WDR70: variants seen among roughly 807,000 people sequenced by gnomAD.
WDR70 encodes WD repeat-containing protein 70.
In WDR70, 53 loss-of-function variants were observed where a neutral mutation model predicts 88.6. The observed-to-expected ratio is 0.60, with a 90% CI of 0.48 to 0.75. The LOEUF (loss-of-function observed/expected upper bound fraction) is 0.75, where lower values mean the gene tolerates loss of function less well. Ranked by LOEUF, WDR70 falls within the 30% of genes least tolerant of loss-of-function variation. WDR70 has a pLI of 0.00. For missense variants in WDR70, 610 were observed against 823.2 expected (o/e 0.74, Z 3.17); for synonymous variants, 280 against 270.0 (o/e 1.04, Z -0.36).
rs544268758 is a variant in WDR70 at position 37,524,124 on chromosome 5, A to G, written c.917+7534A>G. On this transcript the variant is annotated intron_variant, in intron 9 of 17. Coordinates refer to ENST00000265107, the MANE Select transcript of WDR70 (RefSeq NM_018034.4). Reference sequence around the variant, plus strand: ...GCCAACATTCAAATTCAGGAACTACAGAGAACACCACAAAGATACTCCTCG... The same window carrying G: ...GCCAACATTCAAATTCAGGAACTACGGAGAACACCACAAAGATACTCCTCG... Among the ~76,000 whole-genome samples, 12 of 152,340 alleles carry G rather than the reference A, an allele frequency of 7.9e-5. No individual in the cohort carries two copies. In the South Asian group the frequency reaches 2.1e-3, roughly 26 times the overall value.
rs960933810 is a variant in WDR70 at position 37,634,505 on chromosome 5, C to A, written c.1092+29267C>A. 2.0e-5 allele frequency among the ~76,000 whole-genome samples: 3 copies of A among 152,096 alleles called. No individual in the cohort carries two copies. In the East Asian group the frequency reaches 5.8e-4, roughly 29 times the overall value. ...ACCTCTTTTGGTGGCATTGGAGTGG[C>A]GTGATATGGAGAGGGAAGTCTATGA... On this transcript the variant is annotated intron_variant, in intron 10 of 17. Coordinates refer to ENST00000265107, the MANE Select transcript of WDR70 (RefSeq NM_018034.4).
intron 8 of WDR70, among the ~76,000 whole-genome samples, chr5:37,512,885 G>A (rs1740763365): frequency 1.3e-5 from 2 of 152,006 alleles, no homozygotes; most frequent in Non-Finnish European, 2.9e-5. Context: ...GCACCCAGCC[G>A]AGATTCTTAA....
rs572355374 is a variant in WDR70, at chr5:37,721,463, T to G, written c.1517+248T>G. 7 of 531,526 alleles carry G rather than the reference T, an allele frequency of 1.3e-5. No individual in the cohort carries two copies. In the East Asian group the frequency reaches 2.2e-4, roughly 17 times the overall value. The allele number at this position is 531,526 out of a possible 1,614,324, so 32.9% of individuals were successfully genotyped here. A position where few individuals can be genotyped will look rare whatever the true frequency, so the allele number is the denominator to read the frequency against. ...AATTTGCAGTTGTTTAGCTGAAATG[T>G]TGAGTGCAAGGGGGAAAAACGTTCT... On this transcript the variant is annotated intron_variant, in intron 14 of 17. Coordinates refer to ENST00000265107, the MANE Select transcript of WDR70 (RefSeq NM_018034.4).
chr5:37,485,858 ATTTTTTTTTTTTT>A (rs57109943), intron 8 of WDR70, among the ~76,000 whole-genome samples: 51,534 of 108,772 alleles, frequency 0.47, 12,125 homozygotes, highest in Non-Finnish European at 0.56. Flanking sequence ...TGCCTGGCTA[ATTTTTTTTTTTTT>A]TTTTTTTTTT....
intron 5 of WDR70, among the ~76,000 whole-genome samples, chr5:37,414,104 A>C (rs1241428385): frequency 6.9e-6 from 1 of 143,928 alleles, no homozygotes; most frequent in Non-Finnish European, 1.5e-5. Flanking sequence ...TTGATTGCGC[A>C]TTGCACTCCA....
chr5:37,394,072 C>G (rs1433868661), intron 4 of WDR70, among the ~76,000 whole-genome samples: 1 of 151,848 alleles, frequency 6.6e-6, no homozygotes, highest in Non-Finnish European at 1.5e-5. Context: ...TTTGGGAGGC[C>G]GAACTGGGTG....
At chr5:37,686,611 G>T (rs991458791) in intron 10 of WDR70, among the ~76,000 whole-genome samples, 4 of 152,070 alleles carry the variant, frequency 2.6e-5, no homozygotes, top group African/African-American at 9.7e-5. Flanking sequence ...GGTGGCTTGT[G>T]CCTGTAGTCC....
chr5:37,637,863 C>T (rs1745014126), intron 10 of WDR70, among the ~76,000 whole-genome samples: 3 of 152,182 alleles, frequency 2.0e-5, no homozygotes, highest in Non-Finnish European at 2.9e-5. Flanking sequence ...ATTCCATGTA[C>T]TCTGGGCTTT....
At chr5:37,596,790 A>G (rs1743712423) in intron 9 of WDR70, among the ~76,000 whole-genome samples, 1 of 152,180 alleles carries the variant, frequency 6.6e-6, no homozygotes, top group Non-Finnish European at 1.5e-5. Context: ...TTACATGTGT[A>G]GGTCTGTGTG....
At chr5:37,469,091 G>A (rs1232897269) in intron 7 of WDR70, among the ~76,000 whole-genome samples, 3 of 152,192 alleles carry the variant, frequency 2.0e-5, no homozygotes, top group African/African-American at 7.2e-5. Flanking sequence ...CCGTGGAGAA[G>A]TAACAAATGG....
At chr5:37,728,413 GT>G (rs1748052890) in intron 17 of WDR70, among the ~76,000 whole-genome samples, 1 of 149,792 alleles carries the variant, frequency 6.7e-6, no homozygotes, top group Admixed American at 6.6e-5. Flanking sequence ...GTTTTTGCCA[GT>G]TTTTCACTCA....
intron 13 of WDR70, among the ~76,000 whole-genome samples, chr5:37,703,868 T>C (rs1359658969): frequency 6.6e-6 from 1 of 152,234 alleles, no homozygotes; most frequent in Non-Finnish European, 1.5e-5. Flanking sequence ...TGGCTCATTG[T>C]CAAATCTTTT....
chr5:37,402,944 G>GTTTTTTTTTTTTTT lies in WDR70; in HGVS notation c.492+6381_492+6394dup, dbSNP rs5867348. Among the ~76,000 whole-genome samples the GTTTTTTTTTTTTTT allele has an allele frequency of 2.4e-5, 2 of 84,380 alleles. 1 individual carries two copies. Among genetic ancestry groups the GTTTTTTTTTTTTTT allele is most frequent in the African/African-American group, 1.0e-4 (2 of 19,482 alleles). 55.4% of individuals were successfully genotyped at this position (84,380 alleles called of 152,430 possible). On this transcript the variant is annotated intron_variant, in intron 5 of 17. Transcript: ENST00000265107. Reference sequence around the variant, plus strand: ...TTTCCCTCCTTCCCTCCCTCCCTCCGTTTTTTTTTTTTTTTTTTTTGAGTC... The same window carrying GTTTTTTTTTTTTTT: ...TTTCCCTCCTTCCCTCCCTCCCTCCGTTTTTTTTTTTTTTTTTTTTTTTTTTTTTTTTTTGAGTC...
chr5:37,427,780 A>G (rs116046338), intron 5 of WDR70, among the ~76,000 whole-genome samples: 1,825 of 152,282 alleles, frequency 0.012, 37 homozygotes, highest in African/African-American at 0.042. Flanking sequence ...CCAGCTACTC[A>G]GGAGACTGAA....
At chr5:37,728,934 AGTT>A (rs1421935272) in intron 17 of WDR70, among the ~76,000 whole-genome samples, 1 of 152,228 alleles carries the variant, frequency 6.6e-6, no homozygotes, top group Non-Finnish European at 1.5e-5. Flanking sequence ...CTAGAGGAAA[AGTT>A]GTTCCTTCTC....
intron 8 of WDR70, among the ~76,000 whole-genome samples, chr5:37,500,663 G>A (rs569422225): frequency 1.4e-5 from 2 of 141,996 alleles, no homozygotes; most frequent in African/African-American, 2.6e-5. Flanking sequence ...TGGTTTTAAT[G>A]TGCATTCCCC....
intron 7 of WDR70, among the ~76,000 whole-genome samples, chr5:37,443,844 C>A (rs1738360960): frequency 1.3e-5 from 2 of 150,972 alleles, no homozygotes; most frequent in Non-Finnish European, 2.9e-5. Flanking sequence ...GAGAGAGACT[C>A]CATCTCAAAA....
At chr5:37,494,084 G>T (rs928784895) in intron 8 of WDR70, among the ~76,000 whole-genome samples, 1 of 152,164 alleles carries the variant, frequency 6.6e-6, no homozygotes, top group African/African-American at 2.4e-5. Flanking sequence ...CTCCCAAAGT[G>T]CTGGGATTAC....
At chr5:37,453,133 C>G (rs528189779) in intron 7 of WDR70, among the ~76,000 whole-genome samples, 1 of 152,220 alleles carries the variant, frequency 6.6e-6, no homozygotes, top group African/African-American at 2.4e-5. Flanking sequence ...ATTTGATATA[C>G]ATTATTTACC....
Sources: allele counts gnomAD v4.1 joint callset (sites outside exome capture counted in the v4.1 genomes callset), GRCh38; gene constraint gnomAD v4.1.1; transcripts MANE v1.5; gene names NCBI Gene and HGNC (gene_info 2026-07-23, HGNC 2026-07-21).